DLG2: variants seen among roughly 807,000 people sequenced by gnomAD.
DLG2 encodes the protein disks large homolog 2.
Under a neutral mutation model 132.5 loss-of-function variants are expected in DLG2, and 45 were observed. That is an observed-to-expected ratio of 0.34 (90% CI 0.27 to 0.44). The LOEUF is 0.44. DLG2 is among the 20% of genes least tolerant of loss of function. The probability of loss-of-function intolerance (pLI) is 1.00; values close to 1 mark genes in which losing one functional copy is unlikely to be tolerated. For missense variants in DLG2, 1,045 were observed against 1,196.9 expected, an observed-to-expected ratio of 0.87 and a Z score of 1.87; for synonymous variants, 424 against 419.6, an observed-to-expected ratio of 1.01 and a Z score of -0.13.
chr11:83,696,159 C>T (rs2153632087), intron 18 of DLG2, among the ~76,000 whole-genome samples: 1 of 152,166 alleles, frequency 6.6e-6, no homozygotes, highest in South Asian at 2.1e-4. Flanking sequence ...AGTTAGGAGG[C>T]AATGGCAGCA....
At chr11:84,268,357 A>G (rs1368018047) in intron 7 of DLG2, among the ~76,000 whole-genome samples, 1 of 151,898 alleles carries the variant, frequency 6.6e-6, no homozygotes, top group Middle Eastern at 3.2e-3. Flanking sequence ...TTCTTACTCT[A>G]ATGAGGTGGT....
intron 7 of DLG2, among the ~76,000 whole-genome samples, chr11:84,479,819 T>C (rs1025205176): frequency 6.6e-6 from 1 of 152,136 alleles, no homozygotes; most frequent in African/African-American, 2.4e-5. Flanking sequence ...TTATGACCAT[T>C]CAACCTACTA....
At chr11:84,000,578 C>A (rs2094294601) in intron 11 of DLG2, among the ~76,000 whole-genome samples, 1 of 152,098 alleles carries the variant, frequency 6.6e-6, no homozygotes, top group Admixed American at 6.6e-5. Context: ...TACAGTCAAA[C>A]TGTCTAAAGT....
At chr11:85,124,338 G>A (rs749497739) in intron 5 of DLG2, among the ~76,000 whole-genome samples, 4 of 152,040 alleles carry the variant, frequency 2.6e-5, no homozygotes, top group Admixed American at 6.6e-5. Flanking sequence ...TCTACCATAC[G>A]GTGATGCTAA....
chr11:84,393,427 G>T (rs1256979276), intron 7 of DLG2, among the ~76,000 whole-genome samples: 6 of 152,008 alleles, frequency 3.9e-5, no homozygotes, highest in Non-Finnish European at 7.4e-5. Context: ...TCTAACTTTT[G>T]TAATAGTTAT....
intron 7 of DLG2, among the ~76,000 whole-genome samples, chr11:84,386,284 T>C (rs1054026413): frequency 6.6e-6 from 1 of 152,106 alleles, no homozygotes; most frequent in Non-Finnish European, 1.5e-5. Flanking sequence ...TATTGATTTC[T>C]ATACATGAAA....
At chr11:85,439,319 A>T (rs1332724265) in intron 3 of DLG2, among the ~76,000 whole-genome samples, 1 of 151,790 alleles carries the variant, frequency 6.6e-6, no homozygotes, top group Non-Finnish European at 1.5e-5. Context: ...GAACTTAGGC[A>T]AGCTACTTTA....
intron 4 of DLG2, among the ~76,000 whole-genome samples, chr11:85,242,337 A>T (rs1353059137): frequency 6.6e-6 from 1 of 151,208 alleles, no homozygotes; most frequent in Non-Finnish European, 1.5e-5. Context: ...ATTGTTTTCT[A>T]TATGTTTAAT....
chr11:83,558,484 T>C (rs1351121877), intron 19 of DLG2, among the ~76,000 whole-genome samples: 1 of 152,186 alleles, frequency 6.6e-6, no homozygotes, highest in Non-Finnish European at 1.5e-5. Flanking sequence ...AAACTAACTG[T>C]TATTGAATGC....
chr11:84,878,522 C>A (rs1159212129), intron 6 of DLG2, among the ~76,000 whole-genome samples: 1 of 151,938 alleles, frequency 6.6e-6, no homozygotes, highest in African/African-American at 2.4e-5. Context: ...CACATGGACA[C>A]AGGGAGGGGG....
At chr11:85,252,809 G>T (rs796788426) in intron 4 of DLG2, among the ~76,000 whole-genome samples, 3 of 152,148 alleles carry the variant, frequency 2.0e-5, no homozygotes, top group African/African-American at 7.2e-5. Context: ...GGCAAAAAGA[G>T]CAAAACATAT....
intron 7 of DLG2, among the ~76,000 whole-genome samples, chr11:84,496,359 G>C (rs1189052281): frequency 6.6e-6 from 1 of 152,112 alleles, no homozygotes; most frequent in East Asian, 1.9e-4. Flanking sequence ...GAGAGACAAA[G>C]CATCTGAGTT....
chr11:85,526,059 CCTT>C (rs2074718010), intron 3 of DLG2, among the ~76,000 whole-genome samples: 2 of 152,174 alleles, frequency 1.3e-5, no homozygotes, highest in African/African-American at 4.8e-5. Context: ...AAAATGTAAA[CCTT>C]CTTAATTCAC....
chr11:85,091,090 G>GC (rs1204037887), intron 6 of DLG2, among the ~76,000 whole-genome samples: 1 of 152,138 alleles, frequency 6.6e-6, no homozygotes, highest in Non-Finnish European at 1.5e-5. Context: ...TGATAGATTT[G>GC]CCCCTACAAC....
chr11:85,074,701 T>C (rs1048398027), intron 6 of DLG2, among the ~76,000 whole-genome samples: 4 of 151,890 alleles, frequency 2.6e-5, no homozygotes, highest in African/African-American at 9.7e-5. Context: ...CTGGGAAATG[T>C]CTTCAAGAAT....
intron 16 of DLG2, among the ~76,000 whole-genome samples, chr11:83,853,823 G>A (rs1468619717): frequency 6.6e-6 from 1 of 152,022 alleles, no homozygotes; most frequent in African/African-American, 2.4e-5. Context: ...TCAGAAACAA[G>A]GCAAGAATGT....
At chr11:84,849,503 CT>C (rs949946369) in intron 6 of DLG2, among the ~76,000 whole-genome samples, 2 of 151,280 alleles carry the variant, frequency 1.3e-5, no homozygotes, top group African/African-American at 2.4e-5. Context: ...ATATTATCTC[CT>C]TTTTTTTTCC....
intron 6 of DLG2, among the ~76,000 whole-genome samples, chr11:84,745,309 T>A (rs1355632938): frequency 6.6e-5 from 10 of 152,182 alleles, no homozygotes; most frequent in Admixed American, 5.9e-4. Flanking sequence ...CACCATTCTG[T>A]TAGTGCTGTT....
intron 6 of DLG2, among the ~76,000 whole-genome samples, chr11:84,780,143 C>T (rs1320444395): frequency 6.6e-6 from 1 of 152,026 alleles, no homozygotes; most frequent in Non-Finnish European, 1.5e-5. Context: ...TTGTTCATTA[C>T]TAGCAAACCC....
Sources: allele counts gnomAD v4.1 joint callset (sites outside exome capture counted in the v4.1 genomes callset), GRCh38; gene constraint gnomAD v4.1.1; transcripts MANE v1.5; gene names NCBI Gene and HGNC (gene_info 2026-07-23, HGNC 2026-07-21).